The following TPRG1 variants were observed in gnomAD, a reference collection of about 807,000 sequenced individuals.
TPRG1 encodes the protein tumor protein p63-regulated gene 1 protein.
In TPRG1, 29 loss-of-function variants were observed where a neutral mutation model predicts 29.3. The observed-to-expected ratio is 0.99, with a 90% CI of 0.74 to 1.35. The LOEUF (loss-of-function observed/expected upper bound fraction) is 1.35. Ranked by LOEUF, TPRG1 falls within the 40% of genes most tolerant of loss-of-function variation. The pLI is 0.00. For missense variants in TPRG1, 327 were observed against 335.0 expected, an observed-to-expected ratio of 0.98 and a Z score of 0.19; for synonymous variants, 130 against 116.8, an observed-to-expected ratio of 1.11 and a Z score of -0.73.
chr3:189,228,141 C>A (rs750608515), intron 3 of TPRG1, among the ~76,000 whole-genome samples: 5 of 152,140 alleles, frequency 3.3e-5, no homozygotes, highest in African/African-American at 1.2e-4. Context: ...GCAATAGCAA[C>A]AACGACGACA....
intron 1 of TPRG1, among the ~76,000 whole-genome samples, chr3:189,102,231 T>A (rs1340492658): frequency 6.6e-6 from 1 of 152,234 alleles, no homozygotes; most frequent in African/African-American, 2.4e-5. Flanking sequence ...TTTCCTCATC[T>A]GTGAAATGAG....
At chr3:189,164,107 A>C (rs1262800343) in intron 5 of TPRG1, among the ~76,000 whole-genome samples, 1 of 152,126 alleles carries the variant, frequency 6.6e-6, no homozygotes, top group African/African-American at 2.4e-5. Context: ...TTCTTTTATA[A>C]TGTGAACAAT....
At chr3:189,270,520 A>C (rs1230652732) in intron 4 of TPRG1, among the ~76,000 whole-genome samples, 1 of 152,226 alleles carries the variant, frequency 6.6e-6, no homozygotes, top group Non-Finnish European at 1.5e-5. Context: ...TGTGGAGCCC[A>C]GGTCCCCACG....
chr3:189,166,596 T>A (rs1728195877), intron 5 of TPRG1, among the ~76,000 whole-genome samples: 1 of 152,196 alleles, frequency 6.6e-6, no homozygotes, highest in Non-Finnish European at 1.5e-5. Context: ...ATACCTTTTA[T>A]CCTAACTAGT....
intron 5 of TPRG1, among the ~76,000 whole-genome samples, chr3:189,312,736 A>G (rs1405723042): frequency 1.3e-5 from 2 of 152,232 alleles, no homozygotes; most frequent in East Asian, 3.8e-4. Context: ...ATGCAAAAAT[A>G]AAGATGAAAA....
chr3:189,273,172 C>T (rs1210483782), intron 4 of TPRG1, among the ~76,000 whole-genome samples: 1 of 152,172 alleles, frequency 6.6e-6, no homozygotes, highest in Non-Finnish European at 1.5e-5. Context: ...TGTAGCTATA[C>T]AGAATCAAGA....
chr3:189,310,605 C>A (rs1027027374), intron 5 of TPRG1, 66 bp downstream of exon 5: 2 of 1,057,056 alleles, frequency 1.9e-6, no homozygotes, highest in East Asian at 2.6e-5. Flanking sequence ...CTTCTAGGGA[C>A]GTGTACTCCT....
chr3:189,128,267 T>C (rs1392079286), intron 2 of TPRG1, among the ~76,000 whole-genome samples: 1 of 152,138 alleles, frequency 6.6e-6, no homozygotes, highest in Non-Finnish European at 1.5e-5. Context: ...GGCCCTTGCA[T>C]GGAATCATTG....
intron 1 of TPRG1, among the ~76,000 whole-genome samples, chr3:189,180,914 C>T (rs1158615587): frequency 6.6e-6 from 1 of 152,180 alleles, no homozygotes; most frequent in Non-Finnish European, 1.5e-5. Flanking sequence ...GCCTGGACAT[C>T]TAGGCATTTC....
chr3:189,204,037 C>CA (rs35367828), intron 1 of TPRG1, among the ~76,000 whole-genome samples: 20,255 of 86,704 alleles, frequency 0.23, 3,063 homozygotes, highest in East Asian at 0.38. Flanking sequence ...GAGACTGTCT[C>CA]AAAAAAAAAA....
chr3:189,031,264 C>T (rs1713918995), intron 4 of TPRG1, among the ~76,000 whole-genome samples: 2 of 149,324 alleles, frequency 1.3e-5, no homozygotes, highest in African/African-American at 2.5e-5. Flanking sequence ...GCACTCCAGC[C>T]TGGGCGACAG....
intron 5 of TPRG1, among the ~76,000 whole-genome samples, chr3:189,317,753 C>T (rs1723771802): frequency 1.3e-5 from 2 of 152,120 alleles, no homozygotes; most frequent in African/African-American, 4.8e-5. Flanking sequence ...TATCGGTTGT[C>T]ATATCAAATG....
At chr3:189,191,490 T>G (rs1464455208) in intron 1 of TPRG1, among the ~76,000 whole-genome samples, 3 of 152,206 alleles carry the variant, frequency 2.0e-5, no homozygotes, top group Non-Finnish European at 4.4e-5. Context: ...TAAATCTTCC[T>G]GGCATCTTGT....
chr3:189,235,653 A>G (rs1028566138), intron 3 of TPRG1, among the ~76,000 whole-genome samples: 5 of 152,180 alleles, frequency 3.3e-5, no homozygotes, highest in Non-Finnish European at 5.9e-5. Context: ...GTCTCATCAC[A>G]TCAGCTTCTT....
At chr3:189,106,935 C>T (rs1719897310) in intron 1 of TPRG1, among the ~76,000 whole-genome samples, 1 of 151,950 alleles carries the variant, frequency 6.6e-6, no homozygotes, top group African/African-American at 2.4e-5. Context: ...CTAGTGTTCT[C>T]TCCTTTAGTA....
chr3:189,024,138 C>T (rs941293146), intron 4 of TPRG1, among the ~76,000 whole-genome samples: 1 of 152,268 alleles, frequency 6.6e-6, no homozygotes. Context: ...CCCTGCCCTC[C>T]AGGCACTCCA....
At chr3:189,113,456 G>C (rs1720794518) in intron 1 of TPRG1, among the ~76,000 whole-genome samples, 1 of 152,048 alleles carries the variant, frequency 6.6e-6, no homozygotes, top group South Asian at 2.1e-4. Flanking sequence ...TCTTGTGCCA[G>C]TTTTCAAAGG....
intron 1 of TPRG1, among the ~76,000 whole-genome samples, chr3:189,200,025 G>C (rs1733202821): frequency 6.6e-6 from 1 of 152,182 alleles, no homozygotes; most frequent in African/African-American, 2.4e-5. Context: ...GACCTACCCA[G>C]GGTCACTCTG....
At chr3:189,252,677 G>A (rs1230960655) in intron 4 of TPRG1, among the ~76,000 whole-genome samples, 2 of 152,080 alleles carry the variant, frequency 1.3e-5, no homozygotes, top group African/African-American at 2.4e-5. Context: ...CTTTAATTTA[G>A]GGGGGTTCTC....
Sources: gnomAD v4.1 joint callset for allele counts (sites outside exome capture counted in the v4.1 genomes callset) on GRCh38, gnomAD v4.1.1 for gene constraint, MANE v1.5 for transcripts, NCBI Gene and HGNC (gene_info 2026-07-23, HGNC 2026-07-21) for gene names.